GRM8: variants seen among roughly 807,000 people sequenced by gnomAD.
GRM8 encodes the protein glutamate metabotropic receptor 8.
In GRM8, 47 loss-of-function variants were observed where a neutral mutation model predicts 87.2. That is an observed-to-expected ratio of 0.54 (90% CI 0.43 to 0.69). The LOEUF is 0.69. GRM8 is among the 30% of genes least tolerant of loss of function. The pLI, the probability that GRM8 is intolerant of heterozygous loss-of-function variation, is 0.00. For synonymous variants in GRM8, 396 were observed against 404.5 expected (o/e 0.98, Z 0.25); for missense variants, 1,019 against 1,139.2 (o/e 0.89, Z 1.52).
chr7:126,596,147 A>G (rs188450226), intron 8 of GRM8, among the ~76,000 whole-genome samples: 142 of 152,140 alleles, frequency 9.3e-4, no homozygotes, highest in Non-Finnish European at 1.7e-3. Context: ...AAAAACCAAA[A>G]CTATATTCCT....
At chr7:126,927,050 A>T (rs557938349) in intron 3 of GRM8, among the ~76,000 whole-genome samples, 25 of 152,350 alleles carry the variant, frequency 1.6e-4, no homozygotes, top group Non-Finnish European at 2.6e-4. Context: ...ACCAATAAAT[A>T]AATGAATGCT....
At chr7:126,700,906 C>G (rs189426664) in intron 7 of GRM8, among the ~76,000 whole-genome samples, 6 of 152,154 alleles carry the variant, frequency 3.9e-5, no homozygotes, top group Non-Finnish European at 8.8e-5. Flanking sequence ...AAATTGCATC[C>G]TGATAAAGAA....
chr7:126,647,330 G>C (rs1382104816), intron 7 of GRM8, among the ~76,000 whole-genome samples: 2 of 60,286 alleles, frequency 3.3e-5, no homozygotes, highest in Non-Finnish European at 8.7e-5. Flanking sequence ...TAGATAGATA[G>C]ATAGATAGAT....
intron 7 of GRM8, among the ~76,000 whole-genome samples, chr7:126,759,453 C>T (rs535120485): frequency 6.6e-6 from 1 of 152,100 alleles, no homozygotes; most frequent in East Asian, 1.9e-4. Context: ...GAATGAACCC[C>T]ACCTGGTCCA....
intron 3 of GRM8, among the ~76,000 whole-genome samples, chr7:126,916,922 C>A (rs574778921): frequency 7.2e-4 from 110 of 152,240 alleles, no homozygotes; most frequent in African/African-American, 2.6e-3. Context: ...CAAGATCATT[C>A]CCTATAGGAG....
At chr7:127,138,224 C>T (rs771236525) in intron 2 of GRM8, among the ~76,000 whole-genome samples, 3 of 152,116 alleles carry the variant, frequency 2.0e-5, no homozygotes, top group Non-Finnish European at 4.4e-5. Context: ...ATCATGTAAT[C>T]GAATCCTCCT....
At chr7:126,510,275 A>T (rs1015838350) in intron 9 of GRM8, among the ~76,000 whole-genome samples, 1 of 147,392 alleles carries the variant, frequency 6.8e-6, no homozygotes, top group Non-Finnish European at 1.5e-5. Flanking sequence ...GTACACTTTA[A>T]AGACACATAG....
intron 1 of GRM8, among the ~76,000 whole-genome samples, chr7:127,248,086 G>A (rs1285060467): frequency 1.3e-5 from 2 of 152,178 alleles, no homozygotes; most frequent in Non-Finnish European, 2.9e-5. Flanking sequence ...TGATTTAGGA[G>A]AATTCAATTT....
chr7:126,452,895 T>C (rs887333972), intron 9 of GRM8, among the ~76,000 whole-genome samples: 1 of 151,708 alleles, frequency 6.6e-6, no homozygotes, highest in South Asian at 2.1e-4. Context: ...AGACAACATA[T>C]ATACACAGTG....
chr7:126,574,190 T>A lies in GRM8; in HGVS notation c.1494+35172A>T, dbSNP rs144319431. ...AATGCACATTTCTGGCTTCAGCCAA[T>A]GAGGCTTGTTCAATGTTCCAACACT... On this transcript the variant is annotated intron_variant, in intron 8 of 10. Transcript: ENST00000339582. Among the ~76,000 whole-genome samples, 783 of 152,356 alleles carry A rather than the reference T, an allele frequency of 5.1e-3. 7 individuals carry two copies. The highest frequency in any genetic ancestry group is 0.018 in the African/African-American group (747 of 41,586).
chr7:126,548,557 C>T (rs998165655), intron 8 of GRM8, among the ~76,000 whole-genome samples: 10 of 152,078 alleles, frequency 6.6e-5, no homozygotes, highest in African/African-American at 2.4e-4. Context: ...TTATGAGCAG[C>T]ATCTATATGC....
chr7:126,680,376 T>C (rs1807416246), intron 7 of GRM8, among the ~76,000 whole-genome samples: 1 of 152,232 alleles, frequency 6.6e-6, no homozygotes, highest in African/African-American at 2.4e-5. Flanking sequence ...TTAGCATATG[T>C]TCAAGTTTCT....
chr7:126,780,926 AGAAAG>A (rs1220200957), intron 6 of GRM8, among the ~76,000 whole-genome samples: 2 of 152,170 alleles, frequency 1.3e-5, no homozygotes, highest in Non-Finnish European at 2.9e-5. Context: ...TTTATAGTTC[AGAAAG>A]GAGCATACGG....
At chr7:126,849,054 T>G (rs1185496063) in intron 6 of GRM8, among the ~76,000 whole-genome samples, 2 of 152,084 alleles carry the variant, frequency 1.3e-5, no homozygotes, top group African/African-American at 4.8e-5. Flanking sequence ...TCTTCATTAT[T>G]ATGAGATCAG....
chr7:126,701,765 TG>T, intron 7 of GRM8: 1 of 1,262,730 alleles, frequency 7.9e-7, no homozygotes, highest in Non-Finnish European at 1.1e-6. Flanking sequence ...ACCCAACTAC[TG>T]GAAAATGAAG....
chr7:127,225,971 GT>G (rs1379441406), intron 2 of GRM8, among the ~76,000 whole-genome samples: 3 of 152,040 alleles, frequency 2.0e-5, no homozygotes, highest in African/African-American at 7.3e-5. Context: ...ATCTGGGAAG[GT>G]ATTTGTACAC....
At chr7:127,242,620 T>C (rs1284072849) in intron 2 of GRM8, 75 bp downstream of exon 2, 11 of 1,408,748 alleles carry the variant, frequency 7.8e-6, no homozygotes, top group Non-Finnish European at 1.1e-5. Flanking sequence ...TTCACTTTCT[T>C]CTTAAACCTG....
At chr7:127,071,023 G>T (rs891522450) in intron 3 of GRM8, among the ~76,000 whole-genome samples, 2 of 151,952 alleles carry the variant, frequency 1.3e-5, no homozygotes, top group Non-Finnish European at 2.9e-5. Flanking sequence ...CTTCCAAATC[G>T]TCTAGCTAGT....
chr7:126,893,867 A>T (rs1385925679), intron 6 of GRM8, among the ~76,000 whole-genome samples: 1 of 151,880 alleles, frequency 6.6e-6, no homozygotes, highest in African/African-American at 2.4e-5. Context: ...ATCACACTTT[A>T]TGTCTCCTTT....
Sources: gnomAD v4.1 joint callset for allele counts (sites outside exome capture counted in the v4.1 genomes callset) on GRCh38, gnomAD v4.1.1 for gene constraint, MANE v1.5 for transcripts, NCBI Gene and HGNC (gene_info 2026-07-23, HGNC 2026-07-21) for gene names.